Variants in RAB27B observed in about 807,000 individuals in gnomAD.
The protein encoded by RAB27B is ras-related protein Rab-27B.
In RAB27B, 15 loss-of-function variants were observed where a neutral mutation model predicts 24.6. That is an observed-to-expected ratio of 0.61 (90% confidence interval 0.41 to 0.94). RAB27B has a LOEUF of 0.94. RAB27B is among the 40% of genes least tolerant of loss of function. The probability of loss-of-function intolerance (pLI) is 0.00; values close to 1 mark genes in which losing one functional copy is unlikely to be tolerated. For missense variants in RAB27B, 261 were observed against 266.8 expected, an observed-to-expected ratio of 0.98 and a Z score of 0.15; for synonymous variants, 105 against 92.5, an observed-to-expected ratio of 1.14 and a Z score of -0.78.
At chr18:54,852,212 T>C (rs1451864214) in intron 1 of RAB27B, among the ~76,000 whole-genome samples, 1 of 152,096 alleles carries the variant, frequency 6.6e-6, no homozygotes, top group Non-Finnish European at 1.5e-5. Flanking sequence ...ACTCAAGATC[T>C]CCCCACTGGC....
chr18:54,863,722 G>A (rs1912098814), intron 1 of RAB27B, among the ~76,000 whole-genome samples: 1 of 152,038 alleles, frequency 6.6e-6, no homozygotes, highest in Admixed American at 6.6e-5. Context: ...ATGTCTATAT[G>A]GATTTATCTA....
chr18:54,801,098 C>T (rs377186751), intron 2 of RAB27B, among the ~76,000 whole-genome samples: 12 of 148,988 alleles, frequency 8.1e-5, no homozygotes, highest in African/African-American at 2.7e-4. Flanking sequence ...CTGCAACCCC[C>T]GTCTCCTGGC....
intron 2 of RAB27B, among the ~76,000 whole-genome samples, chr18:54,784,438 C>T (rs986305861): frequency 6.6e-6 from 1 of 152,150 alleles, no homozygotes; most frequent in South Asian, 2.1e-4. Context: ...GTTTTTCACC[C>T]CTTACCCTCC....
At position 54,804,355 on chromosome 18, in the gene RAB27B, G is replaced by A. The variant is rs531252661; in HGVS notation, c.-19-73212G>A. On this transcript the variant is annotated intron_variant, in intron 2 of 4. Coordinates refer to the RAB27B transcript ENST00000586570. The stretch of plus-strand genomic sequence containing the variant: ...AATCATGGGGACCAATCTTTCCCAT[G>A]CTATTCTTGTGATAAGTTTTGTGAG... 2.8e-4 allele frequency among the ~76,000 whole-genome samples: 43 copies of A among 152,148 alleles called. 1 individual carries two copies. The highest frequency in any genetic ancestry group is 5.4e-4 in the Non-Finnish European group (37 of 68,030).
At chr18:54,741,827 G>T (rs1910082419) in intron 2 of RAB27B, among the ~76,000 whole-genome samples, 1 of 152,084 alleles carries the variant, frequency 6.6e-6, no homozygotes, top group African/African-American at 2.4e-5. Context: ...AGTAAAAAGT[G>T]ACCTACCTCC....
At chr18:54,863,145 T>C (rs1912072057) in intron 1 of RAB27B, among the ~76,000 whole-genome samples, 1 of 152,258 alleles carries the variant, frequency 6.6e-6, no homozygotes, top group East Asian at 1.9e-4. Context: ...CAGATGATAA[T>C]AGAATAATGA....
At chr18:54,848,973 G>T (rs2145214091) in intron 1 of RAB27B, among the ~76,000 whole-genome samples, 1 of 152,264 alleles carries the variant, frequency 6.6e-6, no homozygotes, top group South Asian at 2.1e-4. Context: ...CTCAAACACT[G>T]CAATAGAAAG....
chr18:54,831,192 G>C (rs1910660587), intron 1 of RAB27B, among the ~76,000 whole-genome samples: 1 of 152,188 alleles, frequency 6.6e-6, no homozygotes, highest in Admixed American at 6.5e-5. Context: ...TTCTAGATCA[G>C]ATGCCCAGGA....
chr18:54,876,457 G>T (rs1218061917), intron 1 of RAB27B, among the ~76,000 whole-genome samples: 1 of 152,168 alleles, frequency 6.6e-6, no homozygotes, highest in Admixed American at 6.5e-5. Context: ...ATAATACTGA[G>T]ATAAACCTTT....
At chr18:54,801,488 C>T (rs1909609465) in intron 2 of RAB27B, among the ~76,000 whole-genome samples, 1 of 152,170 alleles carries the variant, frequency 6.6e-6, no homozygotes, top group Admixed American at 6.5e-5. Flanking sequence ...TCACCAGCTT[C>T]CCCATGATGC....
rs1187545575 is a variant in RAB27B, at chr18:54,892,341, A to G, written c.*2928A>G. 6.6e-6 allele frequency: 1 copy of G among 152,050 alleles called. No homozygotes were observed. Among genetic ancestry groups the G allele is most frequent in the Non-Finnish European group, 1.5e-5 (1 of 67,968 alleles). 9.4% of individuals were successfully genotyped at this position (152,050 alleles called of 1,614,324 possible). ...CACATAGCTCATTTCCTATAATGTTATATCATAGGAAGCCCTCACAGAGAC... is the reference window on the plus strand; with the variant it reads ...CACATAGCTCATTTCCTATAATGTTGTATCATAGGAAGCCCTCACAGAGAC... On this transcript the variant is annotated 3_prime_UTR_variant, in exon 6 of 6. Transcript: ENST00000262094.
At position 54,893,907 on chromosome 18, in the gene RAB27B, T is replaced by G. The variant is rs183982636; in HGVS notation, c.*4494T>G. 7.3e-5 allele frequency: 11 copies of G among 151,210 alleles called. No homozygotes were observed. Among genetic ancestry groups the G allele is most frequent in the African/African-American group, 1.9e-4 (8 of 41,332 alleles). The allele number at this position is 151,210 out of a possible 1,614,324, so 9.4% of individuals were successfully genotyped here. A position where few individuals can be genotyped will look rare whatever the true frequency, so the allele number is the denominator to read the frequency against. ...TAAAGAAAGACCTAGTAACAGATAG[T>G]TTTTTTTTGTTCATTTTCTTCTACC... On this transcript the variant is annotated 3_prime_UTR_variant, in exon 6 of 6. Transcript: ENST00000262094.
intron 2 of RAB27B, among the ~76,000 whole-genome samples, chr18:54,804,904 C>CTCTCTCTCTTTCTTTCTT (rs1555658012): frequency 6.9e-4 from 33 of 48,010 alleles, no homozygotes; most frequent in African/African-American, 1.4e-3. Context: ...CTTTCTCTCT[C>CTCTCTCTCTTTCTTTCTT]TCTTTCTTTC....
At chr18:54,767,512 T>C (rs1908401090) in intron 2 of RAB27B, among the ~76,000 whole-genome samples, 1 of 152,192 alleles carries the variant, frequency 6.6e-6, no homozygotes. Flanking sequence ...AAGATACAAC[T>C]GAAAATAATA....
intron 2 of RAB27B, among the ~76,000 whole-genome samples, chr18:54,774,268 A>G (rs1195041589): frequency 6.6e-6 from 1 of 152,246 alleles, no homozygotes; most frequent in Non-Finnish European, 1.5e-5. Flanking sequence ...TTCCAAAAAT[A>G]TTAGCATGTT....
At chr18:54,868,720 G>A (rs1000365342) in intron 1 of RAB27B, among the ~76,000 whole-genome samples, 23 of 151,822 alleles carry the variant, frequency 1.5e-4, no homozygotes, top group African/African-American at 4.1e-4. Context: ...TCTGCCTCCC[G>A]GGTTCAAGTG....
At chr18:54,753,279 CAG>C (rs1252192533) in intron 2 of RAB27B, among the ~76,000 whole-genome samples, 1 of 152,132 alleles carries the variant, frequency 6.6e-6, no homozygotes, top group East Asian at 1.9e-4. Flanking sequence ...CTACAAAACT[CAG>C]AGGTGAGGTT....
intron 2 of RAB27B, among the ~76,000 whole-genome samples, chr18:54,751,913 G>A (rs1598878662): frequency 1.3e-5 from 2 of 152,190 alleles, no homozygotes; most frequent in East Asian, 3.9e-4. Context: ...AATTTCTCTG[G>A]TTATCATTTC....
intron 2 of RAB27B, among the ~76,000 whole-genome samples, chr18:54,797,413 C>A (rs1025539695): frequency 1.3e-5 from 2 of 152,238 alleles, no homozygotes; most frequent in African/African-American, 4.8e-5. Flanking sequence ...GTAGTCCCAG[C>A]TACTCTGGGG....
Sources: gnomAD v4.1 joint callset for allele counts (sites outside exome capture counted in the v4.1 genomes callset) on GRCh38, gnomAD v4.1.1 for gene constraint, MANE v1.5 for transcripts, NCBI Gene and HGNC (gene_info 2026-07-23, HGNC 2026-07-21) for gene names.